The following SLC12A8 variants were observed in gnomAD, a reference collection of about 807,000 sequenced individuals.
SLC12A8 encodes cation-chloride cotransporter 9.
A neutral mutation model predicts 75.6 loss-of-function variants in SLC12A8; 69 were observed. The observed-to-expected ratio is 0.91, with a 90% confidence interval of 0.75 to 1.11. SLC12A8 has a LOEUF of 1.11. Among genes scored for constraint, SLC12A8 ranks in the 50% most tolerant of loss-of-function variants. The pLI is 0.00. For missense variants in SLC12A8, 877 were observed against 896.7 expected (o/e 0.98, Z 0.28); for synonymous variants, 365 against 372.8 (o/e 0.98, Z 0.24).
In SLC12A8 at chr3:125,107,933, G is replaced by A. The variant is rs200756737; in HGVS notation, c.1253C>T (p.Pro418Leu). 1.3e-4 allele frequency: 206 copies of A among 1,614,158 alleles called. No homozygotes were observed. The African/African-American group carries it at 2.5e-3, about 19-fold the overall frequency. The change falls in exon 10 of 14, where the codon CCG becomes CTG. Residue 418 changes from proline to leucine, a missense_variant. By Grantham distance (98) the Pro-to-Leu change is moderately conservative. Coordinates refer to ENST00000469902, the MANE Select transcript of SLC12A8 (RefSeq NM_024628.6). ...GCCTTCTGCGCCCTCCCTGAGCACC[G>A]GCTCAGGCACCGGGGTCAGGCTGCA... is the stretch of plus-strand genomic sequence containing the variant. ...CSCSLTPVPE[P>L]VLREGAEGLH...
At chr3:125,102,483 G>A (rs1381620670) in intron 10 of SLC12A8, among the ~76,000 whole-genome samples, 1 of 152,168 alleles carries the variant, frequency 6.6e-6, no homozygotes, top group East Asian at 1.9e-4. Flanking sequence ...AGAGAGACAT[G>A]ATGAGAGTTT....
intron 6 of SLC12A8, among the ~76,000 whole-genome samples, chr3:125,127,527 T>C (rs1933238490): frequency 6.6e-6 from 1 of 152,214 alleles, no homozygotes; most frequent in Non-Finnish European, 1.5e-5. Context: ...TGGGAGGATC[T>C]AGGTTCCATG....
chr3:125,150,933 C>T lies in SLC12A8; in HGVS notation c.623-15151G>A, dbSNP rs574046383. 5.3e-5 allele frequency among the ~76,000 whole-genome samples: 8 copies of T among 152,238 alleles called. No homozygotes were observed. In the South Asian group the frequency reaches 1.7e-3, roughly 32 times the overall value. On this transcript the variant is annotated intron_variant, in intron 5 of 13. Coordinates refer to ENST00000469902, the MANE Select transcript of SLC12A8 (RefSeq NM_024628.6). ...ACTACCTGGAGCACTTCTTACAATC[C>T]AGATTCCCGGGCCTCAGGCTATTAG...
intron 8 of SLC12A8, among the ~76,000 whole-genome samples, chr3:125,111,855 G>A (rs1488189248): frequency 6.6e-6 from 1 of 152,200 alleles, no homozygotes; most frequent in East Asian, 1.9e-4. Context: ...AGAATCATCA[G>A]GAGGCTAAAG....
chr3:125,182,570 GATCTCAGTT>G (rs1934688517), intron 4 of SLC12A8, among the ~76,000 whole-genome samples: 1 of 150,580 alleles, frequency 6.6e-6, no homozygotes, highest in Non-Finnish European at 1.5e-5. Flanking sequence ...GCAGCGGCGT[GATCTCAGTT>G]CACTGCAACC....
At chr3:125,170,004 C>A (rs1461308046) in intron 5 of SLC12A8, among the ~76,000 whole-genome samples, 2 of 13,136 alleles carry the variant, frequency 1.5e-4, no homozygotes, top group Non-Finnish European at 2.8e-4. Context: ...AGATTATAGA[C>A]AATTCAAAGA....
intron 5 of SLC12A8, among the ~76,000 whole-genome samples, chr3:125,176,140 T>C (rs1051896494): frequency 1.3e-5 from 2 of 151,982 alleles, no homozygotes; most frequent in Admixed American, 6.6e-5. Context: ...AAAAGCAGAG[T>C]TGCTGTCACA....
At chr3:125,124,723 G>A (rs192450157) in intron 6 of SLC12A8, among the ~76,000 whole-genome samples, 55 of 152,184 alleles carry the variant, frequency 3.6e-4, no homozygotes, top group Non-Finnish European at 5.7e-4. Flanking sequence ...CCCTAGCTTC[G>A]GTGAATTATA....
chr3:125,202,630 G>GT (rs543411392), intron 2 of SLC12A8, among the ~76,000 whole-genome samples: 23 of 147,578 alleles, frequency 1.6e-4, no homozygotes, highest in East Asian at 5.9e-4. Context: ...TATTAACCAT[G>GT]TTTTTTTTTT....
intron 6 of SLC12A8, among the ~76,000 whole-genome samples, chr3:125,126,840 T>C (rs1933221081): frequency 6.6e-6 from 1 of 152,190 alleles, no homozygotes; most frequent in Non-Finnish European, 1.5e-5. Flanking sequence ...TTTTCTTTCT[T>C]ATGAAGGTAG....
chr3:125,177,660 T>C lies in SLC12A8; in HGVS notation c.622+83A>G, dbSNP rs1364982388. 3.0e-6 allele frequency: 3 copies of C among 1,012,274 alleles called. No homozygotes were observed. In the African/African-American group the frequency reaches 5.0e-5, roughly 17 times the overall value. The allele number at this position is 1,012,274 out of a possible 1,614,324, so 62.7% of individuals were successfully genotyped here. On this transcript the variant is annotated intron_variant, in intron 5 of 13. Transcript: ENST00000469902. ...AAAGCCTATGGGGGTTAGGGGGAGATGGGGTGGGCAAACTCACACCTACAA... is the reference window on the plus strand; with the variant it reads ...AAAGCCTATGGGGGTTAGGGGGAGACGGGGTGGGCAAACTCACACCTACAA...
At chr3:125,129,974 C>A (rs1933312467) in intron 6 of SLC12A8, among the ~76,000 whole-genome samples, 1 of 152,156 alleles carries the variant, frequency 6.6e-6, no homozygotes, top group Non-Finnish European at 1.5e-5. Context: ...AGCTCCTCTG[C>A]ACCCCTCCTC....
chr3:125,096,858 T>A (rs749983828), intron 10 of SLC12A8, among the ~76,000 whole-genome samples: 1 of 152,070 alleles, frequency 6.6e-6, no homozygotes, highest in Non-Finnish European at 1.5e-5. Flanking sequence ...TTTGTACTTA[T>A]CACTTATTGA....
intron 6 of SLC12A8, among the ~76,000 whole-genome samples, chr3:125,129,906 G>C (rs1047428570): frequency 6.6e-6 from 1 of 152,168 alleles, no homozygotes; most frequent in Non-Finnish European, 1.5e-5. Context: ...TCCACAGCAG[G>C]GTGACGGCCC....
At chr3:125,174,774 AC>A (rs1284125716) in intron 5 of SLC12A8, among the ~76,000 whole-genome samples, 1 of 152,220 alleles carries the variant, frequency 6.6e-6, no homozygotes, top group Non-Finnish European at 1.5e-5. Context: ...AAAAGGCAAA[AC>A]TATGGAAACA....
At chr3:125,097,531 TGTG>T (rs1560050073) in intron 10 of SLC12A8, among the ~76,000 whole-genome samples, 9 of 520 alleles carry the variant, frequency 0.017, no homozygotes, top group Admixed American at 0.021. Context: ...AAGGGAATTG[TGTG>T]TGTGTGTGTG....
At chr3:125,099,398 C>T (rs73859113) in intron 10 of SLC12A8, among the ~76,000 whole-genome samples, 26 of 152,112 alleles carry the variant, frequency 1.7e-4, no homozygotes, top group African/African-American at 4.6e-4. Flanking sequence ...TAGTTTTCAA[C>T]GAAAAATTAC....
intron 5 of SLC12A8, among the ~76,000 whole-genome samples, chr3:125,138,032 C>G (rs1229762048): frequency 6.6e-6 from 1 of 152,160 alleles, no homozygotes; most frequent in African/African-American, 2.4e-5. Context: ...GAATCTTGCT[C>G]TAGGAAATAG....
intron 5 of SLC12A8, among the ~76,000 whole-genome samples, chr3:125,158,202 A>G (rs531483777): frequency 6.6e-6 from 1 of 151,840 alleles, no homozygotes; most frequent in East Asian, 1.9e-4. Flanking sequence ...GTAAGCCCCA[A>G]TGTCAAATTA....
Sources: allele counts gnomAD v4.1 joint callset (sites outside exome capture counted in the v4.1 genomes callset), GRCh38; gene constraint gnomAD v4.1.1; transcripts MANE v1.5; gene names NCBI Gene and HGNC (gene_info 2026-07-23, HGNC 2026-07-21).